The following SLC24A3 variants were observed in gnomAD, a reference collection of about 807,000 sequenced individuals.
SLC24A3 encodes sodium/potassium/calcium exchanger 3.
Under a neutral mutation model 75.8 loss-of-function variants are expected in SLC24A3, and 28 were observed. The observed-to-expected ratio is 0.37, with a 90% confidence interval of 0.27 to 0.51. The LOEUF (loss-of-function observed/expected upper bound fraction) is 0.51, where lower values mean the gene tolerates loss of function less well. Among genes scored for constraint, SLC24A3 ranks in the 20% least tolerant of loss-of-function variants. The probability of loss-of-function intolerance (pLI) is 0.94; values close to 1 mark genes in which losing one functional copy is unlikely to be tolerated. For synonymous variants in SLC24A3, 372 were observed against 334.1 expected (o/e 1.11, Z -1.24); for missense variants, 663 against 847.8 (o/e 0.78, Z 2.71).
chr20:19,410,932 T>A (rs1313629032), intron 2 of SLC24A3, among the ~76,000 whole-genome samples: 1 of 152,306 alleles, frequency 6.6e-6, no homozygotes, highest in South Asian at 2.1e-4. Flanking sequence ...GGAGCTGTGG[T>A]GGGAGTTGTT....
At chr20:19,642,480 A>G (rs372907486) in intron 6 of SLC24A3, among the ~76,000 whole-genome samples, 9 of 152,366 alleles carry the variant, frequency 5.9e-5, no homozygotes, top group African/African-American at 2.2e-4. Flanking sequence ...GGTGAAGAGT[A>G]GCTCAGGCTT....
intron 3 of SLC24A3, among the ~76,000 whole-genome samples, chr20:19,555,005 TG>T (rs775836910): frequency 3.3e-5 from 5 of 152,192 alleles, no homozygotes; most frequent in Non-Finnish European, 7.3e-5. Context: ...CAGATACAAT[TG>T]GATTAAGCAG....
At chr20:19,412,208 T>C (rs1986754198) in intron 2 of SLC24A3, among the ~76,000 whole-genome samples, 1 of 152,158 alleles carries the variant, frequency 6.6e-6, no homozygotes, top group African/African-American at 2.4e-5. Context: ...GTTTTAAGCC[T>C]AATAAAATTA....
At chr20:19,497,329 C>T (rs1423007218) in intron 2 of SLC24A3, among the ~76,000 whole-genome samples, 1 of 152,120 alleles carries the variant, frequency 6.6e-6, no homozygotes, top group African/African-American at 2.4e-5. Flanking sequence ...ATAGGAAGCT[C>T]TAGTTGGAGA....
intron 3 of SLC24A3, among the ~76,000 whole-genome samples, chr20:19,577,402 T>C (rs2031155359): frequency 6.6e-6 from 1 of 152,176 alleles, no homozygotes. Context: ...TTTGTACAGA[T>C]TATGAATAGA....
At chr20:19,373,715 A>G (rs1377833969) in intron 2 of SLC24A3, among the ~76,000 whole-genome samples, 2 of 152,176 alleles carry the variant, frequency 1.3e-5, no homozygotes, top group Non-Finnish European at 2.9e-5. Context: ...AGACTGATGT[A>G]GGTGAGGGGA....
chr20:19,389,903 T>C (rs1986337021), intron 2 of SLC24A3, among the ~76,000 whole-genome samples: 1 of 152,210 alleles, frequency 6.6e-6, no homozygotes, highest in Non-Finnish European at 1.5e-5. Context: ...ATATCCTTTC[T>C]TCACTCTTTA....
chr20:19,539,808 C>T (rs1366962002), intron 3 of SLC24A3, among the ~76,000 whole-genome samples: 1 of 152,088 alleles, frequency 6.6e-6, no homozygotes, highest in Non-Finnish European at 1.5e-5. Context: ...AATGGGCAGC[C>T]ATATAAAAAT....
chr20:19,568,379 A>G (rs2030996279), intron 3 of SLC24A3, among the ~76,000 whole-genome samples: 1 of 152,248 alleles, frequency 6.6e-6, no homozygotes, highest in African/African-American at 2.4e-5. Context: ...AGACAGATAA[A>G]TGGATAAGCA....
chr20:19,676,197 C>T (rs943479667), intron 9 of SLC24A3, among the ~76,000 whole-genome samples: 1 of 152,204 alleles, frequency 6.6e-6, no homozygotes, highest in Admixed American at 6.5e-5. Context: ...ATAGCCACTG[C>T]TCCCCTTTTC....
Position 19,678,054 on chromosome 20 carries a change from CAGA to C in SLC24A3, c.768-3799_768-3797del, listed in dbSNP as rs1353711457. Among the ~76,000 whole-genome samples, 4 of 151,656 alleles carry C rather than the reference CAGA, an allele frequency of 2.6e-5. No individual in the cohort carries two copies. In the East Asian group the frequency reaches 7.8e-4, roughly 29 times the overall value. ...GTCACAGATCAACAGGATCCCAAGG[CAGA>C]AGAATTTTTCTTAGTACAGAACAAA... is the stretch of plus-strand genomic sequence containing the variant. On this transcript the variant is annotated intron_variant, in intron 9 of 16. Transcript: ENST00000328041.
At chr20:19,277,045 A>G (rs1487632200) in intron 1 of SLC24A3, among the ~76,000 whole-genome samples, 1 of 152,192 alleles carries the variant, frequency 6.6e-6, no homozygotes, top group Non-Finnish European at 1.5e-5. Context: ...CTGCTAGCCT[A>G]TTATAAGGTG....
At chr20:19,369,538 A>G (rs1034155431) in intron 2 of SLC24A3, among the ~76,000 whole-genome samples, 1 of 152,248 alleles carries the variant, frequency 6.6e-6, no homozygotes, top group Non-Finnish European at 1.5e-5. Context: ...ATGATAATGA[A>G]TAATATGAAT....
chr20:19,592,384 T>A (rs1465585003), intron 6 of SLC24A3, among the ~76,000 whole-genome samples: 1 of 152,228 alleles, frequency 6.6e-6, no homozygotes, highest in African/African-American at 2.4e-5. Context: ...TTCTGTCCAA[T>A]TTATTTCCAT....
intron 2 of SLC24A3, among the ~76,000 whole-genome samples, chr20:19,374,742 A>G (rs1397440438): frequency 6.6e-6 from 1 of 152,184 alleles, no homozygotes; most frequent in Non-Finnish European, 1.5e-5. Context: ...CAGAACATGG[A>G]TTCATAGGCT....
intron 2 of SLC24A3, among the ~76,000 whole-genome samples, chr20:19,298,237 G>A (rs1003970819): frequency 6.6e-6 from 1 of 152,244 alleles, no homozygotes; most frequent in Non-Finnish European, 1.5e-5. Flanking sequence ...CACGGGAGTT[G>A]CATGTGTCAG....
At chr20:19,563,001 G>A (rs1192091494) in intron 3 of SLC24A3, among the ~76,000 whole-genome samples, 1 of 152,142 alleles carries the variant, frequency 6.6e-6, no homozygotes, top group Non-Finnish European at 1.5e-5. Context: ...GACCCCCTGA[G>A]CACCTTCTCA....
chr20:19,449,270 C>A (rs1326966894), intron 2 of SLC24A3, among the ~76,000 whole-genome samples: 2 of 152,152 alleles, frequency 1.3e-5, no homozygotes, highest in Non-Finnish European at 2.9e-5. Context: ...AGCAGCTTTG[C>A]GAGGCTTTGG....
At chr20:19,518,323 G>A (rs970779852) in intron 3 of SLC24A3, among the ~76,000 whole-genome samples, 2 of 152,194 alleles carry the variant, frequency 1.3e-5, no homozygotes, top group East Asian at 3.9e-4. Flanking sequence ...AGATGCTCAG[G>A]ACATGGCTTC....
Sources: gnomAD v4.1 joint callset for allele counts (sites outside exome capture counted in the v4.1 genomes callset) on GRCh38, gnomAD v4.1.1 for gene constraint, MANE v1.5 for transcripts, NCBI Gene and HGNC (gene_info 2026-07-23, HGNC 2026-07-21) for gene names.